The following GNG7 variants were observed in gnomAD, a reference collection of about 807,000 sequenced individuals.
GNG7 encodes the protein guanine nucleotide-binding protein G(I)/G(S)/G(O) subunit gamma-7.
In GNG7, 1 loss-of-function variant was observed where a neutral mutation model predicts 4.0. That is an observed-to-expected ratio of 0.25 (90% CI 0.09 to 1.18). The LOEUF (loss-of-function observed/expected upper bound fraction) is 1.18, where lower values mean the gene tolerates loss of function less well. Ranked by LOEUF, GNG7 falls within the 50% of genes most tolerant of loss-of-function variation. GNG7 has a pLI of 0.50. For missense variants in GNG7, 86 were observed against 91.9 expected (o/e 0.94, Z 0.26); for synonymous variants, 34 against 36.9 (o/e 0.92, Z 0.29).
chr19:2,540,161 T>A (rs1347713638), intron 3 of GNG7, among the ~76,000 whole-genome samples: 5 of 151,632 alleles, frequency 3.3e-5, no homozygotes, highest in Admixed American at 6.6e-5. Context: ...TCTTTCTTTT[T>A]CTTCTCTGAG....
rs1465600806 is a variant in GNG7, at chr19:2,618,876, C to G, written c.-78+27348G>C. 1.3e-5 allele frequency among the ~76,000 whole-genome samples: 2 copies of G among 152,068 alleles called. No individual in the cohort carries two copies. The highest frequency in any genetic ancestry group is 2.9e-5 in the Non-Finnish European group (2 of 68,028). ...TTTTCCCCTCACGACCTTTCCTGCCCCATTGTGACCCCATCCAGGAGCCCA... is the reference window on the plus strand; with the variant it reads ...TTTTCCCCTCACGACCTTTCCTGCCGCATTGTGACCCCATCCAGGAGCCCA... On this transcript the variant is annotated intron_variant, in intron 2 of 4. Transcript: ENST00000382159. The surrounding 1 kb of genome is among the most constrained non-coding windows in gnomAD (Gnocchi z 5.1).
intron 2 of GNG7, among the ~76,000 whole-genome samples, chr19:2,573,584 A>G (rs1301550524): frequency 2.0e-5 from 3 of 151,846 alleles, no homozygotes; most frequent in Non-Finnish European, 4.4e-5. Flanking sequence ...TCGGAGGCCG[A>G]GGCGGGCAGA....
intron 1 of GNG7, among the ~76,000 whole-genome samples, chr19:2,648,510 AAAATT>A (rs1982726281): frequency 6.6e-6 from 1 of 152,214 alleles, no homozygotes; most frequent in Non-Finnish European, 1.5e-5. Context: ...CTGAAAATCT[AAAATT>A]AAAAGTTCAT....
chr19:2,598,145 G>A (rs912193740), intron 2 of GNG7, among the ~76,000 whole-genome samples: 1 of 152,182 alleles, frequency 6.6e-6, no homozygotes, highest in South Asian at 2.1e-4. Context: ...CTCTCACGGC[G>A]ACTCTACGCT....
At chr19:2,529,998 C>T (rs1599375148) in intron 3 of GNG7, among the ~76,000 whole-genome samples, 1 of 152,236 alleles carries the variant, frequency 6.6e-6, no homozygotes, top group East Asian at 1.9e-4. Flanking sequence ...CTAGAATATC[C>T]ATGACCTCCT....
chr19:2,675,220 T>G (rs1983563915), intron 1 of GNG7, among the ~76,000 whole-genome samples: 2 of 152,222 alleles, frequency 1.3e-5, no homozygotes, highest in African/African-American at 2.4e-5. Flanking sequence ...CAGAAATTCC[T>G]GTCGTGCCCC....
Position 2,513,165 on chromosome 19 carries a change from AG to A in GNG7, c.*1856del, listed in dbSNP as rs1972679823. The stretch of plus-strand genomic sequence containing the variant: ...CACCCGGAGCCCTCTAGCCTTGGCG[AG>A]GTGGGAACCCTGGCAGTCACCAGCT... On this transcript the variant is annotated 3_prime_UTR_variant, in exon 5 of 5. Transcript: ENST00000382159. 1 of 979,442 alleles carries A rather than the reference AG, an allele frequency of 1.0e-6. No individual in the cohort carries two copies. Among genetic ancestry groups the A allele is most frequent in the East Asian group, 1.1e-4 (1 of 8,802 alleles). The allele number at this position is 979,442 out of a possible 1,614,324, so 60.7% of individuals were successfully genotyped here.
At position 2,651,686 on chromosome 19, in the gene GNG7, C is replaced by T. The variant is rs555861981; in HGVS notation, c.-134-5406G>A. 3.2e-3 allele frequency among the ~76,000 whole-genome samples: 485 copies of T among 150,644 alleles called. 6 individuals are homozygous for T. The highest frequency in any genetic ancestry group is 6.9e-3 in the Middle Eastern group (2 of 288). On this transcript the variant is annotated intron_variant, in intron 1 of 4. Coordinates refer to ENST00000382159, the MANE Select transcript of GNG7 (RefSeq NM_052847.3). ...GTTTAAGAGATTCTCCTGCCTCAAC[C>T]TCCCAAGTAGCTGGGATTACAGGTG...
At position 2,530,179 on chromosome 19, in the gene GNG7, G is replaced by A. The variant is rs568970718; in HGVS notation, c.-37-9454C>T. The stretch of plus-strand genomic sequence containing the variant: ...TGTGATCCCAGCACTGTGGGAGGTC[G>A]AGGCGGGAGGATCACTTGAGGTCGG... On this transcript the variant is annotated intron_variant, in intron 3 of 4. Transcript: ENST00000382159. Among the ~76,000 whole-genome samples, 152 of 152,322 alleles carry A rather than the reference G, an allele frequency of 1.0e-3. 3 individuals are homozygous for A. The South Asian group carries it at 0.027, about 27-fold the overall frequency.
chr19:2,567,996 G>C (rs575565131), intron 2 of GNG7, among the ~76,000 whole-genome samples: 83 of 152,182 alleles, frequency 5.5e-4, no homozygotes, highest in Non-Finnish European at 8.4e-4. Flanking sequence ...AGGCACTCCA[G>C]CCACCCAAAA....
intron 2 of GNG7, among the ~76,000 whole-genome samples, chr19:2,608,359 G>C (rs1568261466): frequency 3.3e-5 from 5 of 151,720 alleles, no homozygotes; most frequent in Admixed American, 2.6e-4. Context: ...GGCAAGGCCT[G>C]CGGGCTGGAG....
At chr19:2,537,967 C>T (rs1485387513) in intron 3 of GNG7, 5 of 368,152 alleles carry the variant, frequency 1.4e-5, no homozygotes, top group South Asian at 8.1e-5. Context: ...GTCCCAGCTA[C>T]TCAGGAGGCT....
intron 1 of GNG7, among the ~76,000 whole-genome samples, chr19:2,700,089 T>A (rs1913363566): frequency 6.6e-6 from 1 of 151,502 alleles, no homozygotes; most frequent in Admixed American, 6.6e-5. Context: ...ATAATAATAA[T>A]AATAACAATA....
At chr19:2,604,915 G>A (rs1274968526) in intron 2 of GNG7, among the ~76,000 whole-genome samples, 1 of 152,194 alleles carries the variant, frequency 6.6e-6, no homozygotes, top group Non-Finnish European at 1.5e-5. Flanking sequence ...TGTCGTTGGA[G>A]TCCAAGTCCT....
chr19:2,644,382 A>G (rs61593327), intron 2 of GNG7, among the ~76,000 whole-genome samples: 8,915 of 106,734 alleles, frequency 0.084, 590 homozygotes, highest in Non-Finnish European at 0.097. Context: ...TATATATATA[A>G]TGCTCTATCT....
chr19:2,555,378 G>C (rs1159347884), intron 2 of GNG7, among the ~76,000 whole-genome samples, 190 bp from the exon 3 acceptor site: 1 of 152,124 alleles, frequency 6.6e-6, no homozygotes, highest in Non-Finnish European at 1.5e-5. Context: ...CTTTACCACC[G>C]ATCCGTGCGG....
At chr19:2,577,122 C>G (rs1352656013) in intron 2 of GNG7, among the ~76,000 whole-genome samples, 1 of 152,236 alleles carries the variant, frequency 6.6e-6, no homozygotes, top group East Asian at 1.9e-4. Context: ...GGGCAGTGAG[C>G]TCAGTCTCTG....
chr19:2,678,201 A>T (rs924573391), intron 1 of GNG7, among the ~76,000 whole-genome samples: 1 of 152,124 alleles, frequency 6.6e-6, no homozygotes. Flanking sequence ...AGCAAGAAAC[A>T]AGAGAGTGGG....
chr19:2,584,784 G>A (rs1441919184), intron 2 of GNG7, among the ~76,000 whole-genome samples: 3 of 37,272 alleles, frequency 8.0e-5, no homozygotes, highest in Non-Finnish European at 1.4e-4. Flanking sequence ...GGGAGGGAGG[G>A]AAAGAAGGAA....
Sources: gnomAD v4.1 joint callset for allele counts (sites outside exome capture counted in the v4.1 genomes callset) on GRCh38, gnomAD v4.1.1 for gene constraint, Gnocchi (gnomAD v3.1) non-coding constraint, MANE v1.5 for transcripts, NCBI Gene and HGNC (gene_info 2026-07-23, HGNC 2026-07-21) for gene names.